The following ANLN variants were observed in gnomAD, a reference collection of about 807,000 sequenced individuals.
The protein encoded by ANLN is anillin.
A neutral mutation model predicts 135.1 loss-of-function variants in ANLN; 59 were observed. The observed-to-expected ratio is 0.44, with a 90% CI of 0.35 to 0.54. ANLN has a LOEUF of 0.54. ANLN is among the 20% of genes least tolerant of loss of function. The pLI is 0.00. For synonymous variants in ANLN, 406 were observed against 456.4 expected (o/e 0.89, Z 1.41); for missense variants, 1,182 against 1,340.0 (o/e 0.88, Z 1.84).
At chr7:36,390,950 A>G (rs1341021877) in intron 1 of ANLN, among the ~76,000 whole-genome samples, 1 of 152,244 alleles carries the variant, frequency 6.6e-6, no homozygotes, top group Non-Finnish European at 1.5e-5. Context: ...TGAGTGTTGC[A>G]AAGTGGACCT....
intron 1 of ANLN, among the ~76,000 whole-genome samples, chr7:36,394,308 G>A (rs1048615099): frequency 1.3e-5 from 2 of 152,178 alleles, no homozygotes; most frequent in African/African-American, 4.8e-5. Context: ...CAAGGTGCAT[G>A]CGGCCTCCTG....
At position 36,411,016 on chromosome 7, in the gene ANLN, T is replaced by A. The variant is rs758696477; in HGVS notation, c.1288-43T>A. On this transcript the variant is annotated intron_variant, in intron 6 of 23. Transcript: ENST00000265748. ...TTTAGTAGTGTTTGGATGTTAAACA[T>A]GCTACCGGCTCTTGTGTAAAATACA... The A allele has an allele frequency of 6.6e-6, 10 of 1,519,192 alleles. No individual in the cohort carries two copies. The Admixed American group carries it at 2.3e-4, about 35-fold the overall frequency. The allele number at this position is 1,519,192 out of a possible 1,614,324, so 94.1% of individuals were successfully genotyped here. A position where few individuals can be genotyped will look rare whatever the true frequency, so the allele number is the denominator to read the frequency against.
In ANLN at chr7:36,419,310, A is replaced by G. The variant is rs747556936; in HGVS notation, c.1700A>G (p.Asp567Gly). 6.2e-7 allele frequency: 1 copy of G among 1,614,124 alleles called. No individual in the cohort carries two copies. The highest frequency in any genetic ancestry group is 1.7e-5 in the Admixed American group (1 of 60,022). Residue 567 changes from aspartate to glycine, a missense_variant, in exon 10 of 24, where the codon GAC (aspartate) becomes GGC (glycine). Physicochemically the swap from Asp to Gly is moderately conservative, Grantham distance 94. Transcript: ENST00000265748. ...DDINSSKVIN[D>G]LFSDVLEEGE... ...ATCAATAGTTCGAAAGTAATTAATG[A>G]CCTCTTCAGTGATGTCCTAGAGGAA...
chr7:36,409,764 C>T (rs983140023), intron 5 of ANLN, among the ~76,000 whole-genome samples: 1 of 152,048 alleles, frequency 6.6e-6, no homozygotes, highest in Non-Finnish European at 1.5e-5. Context: ...GCCTCGACCT[C>T]CCAGATTCAA....
intron 20 of ANLN, among the ~76,000 whole-genome samples, chr7:36,438,024 G>A (rs544821332): frequency 5.9e-5 from 9 of 152,088 alleles, no homozygotes; most frequent in Middle Eastern, 6.8e-3. Context: ...CCTAACCTCA[G>A]GTGATTCACC....
At chr7:36,432,246 A>G (rs1272281740) in intron 20 of ANLN, among the ~76,000 whole-genome samples, 3 of 152,164 alleles carry the variant, frequency 2.0e-5, no homozygotes, top group Admixed American at 1.3e-4. Context: ...CAATAACAAA[A>G]AACAAACTTG....
At position 36,420,345 on chromosome 7, in the gene ANLN, C is replaced by G. The variant is rs746924446; in HGVS notation, c.2015+31C>G. On this transcript the variant is annotated intron_variant, in intron 11 of 23. Transcript: ENST00000265748. ...AACATTTCTGGAAGGCATTCACTCA[C>G]TAAGGGTCATGGTTTAGATTGACAT... The G allele has an allele frequency of 8.7e-6, 14 of 1,607,796 alleles. No individual in the cohort carries two copies. In the East Asian group the frequency reaches 3.1e-4, roughly 36 times the overall value.
intron 5 of ANLN, among the ~76,000 whole-genome samples, chr7:36,408,793 G>A (rs975847061): frequency 3.9e-5 from 6 of 152,036 alleles, no homozygotes; most frequent in African/African-American, 1.5e-4. Context: ...TCTTACCATC[G>A]TAAACTGATA....
chr7:36,430,953 C>T (rs543880773), intron 20 of ANLN, among the ~76,000 whole-genome samples: 175 of 152,242 alleles, frequency 1.1e-3, no homozygotes, highest in African/African-American at 4.2e-3. Context: ...GGGTAGTAAA[C>T]TTGACGTTTT....
At chr7:36,436,493 G>A (rs528802210) in intron 20 of ANLN, among the ~76,000 whole-genome samples, 3 of 152,350 alleles carry the variant, frequency 2.0e-5, no homozygotes, top group Non-Finnish European at 1.5e-5. Context: ...ATACATAGGA[G>A]CAGAATTGTG....
Position 36,425,996 on chromosome 7 carries a change from C to A in ANLN, c.2749-19C>A, listed in dbSNP as rs1788063206. Reference sequence around the variant, plus strand: ...AAATAACTTATGTTTCTTCTTCACACCTTTTTTTTTTTTTTTAGAAAAGCA... The same window carrying A: ...AAATAACTTATGTTTCTTCTTCACAACTTTTTTTTTTTTTTTAGAAAAGCA... On this transcript the variant is annotated intron_variant, in intron 18 of 23. Coordinates refer to ENST00000265748, the MANE Select transcript of ANLN (RefSeq NM_018685.5). The A allele has an allele frequency of 1.4e-6, 2 of 1,458,100 alleles. No homozygotes were observed. Among genetic ancestry groups the A allele is most frequent in the Non-Finnish European group, 1.8e-6 (2 of 1,087,516 alleles). 90.3% of individuals were successfully genotyped at this position (1,458,100 alleles called of 1,614,324 possible).
chr7:36,444,568 T>G (rs911118368), intron 22 of ANLN, among the ~76,000 whole-genome samples: 1 of 152,108 alleles, frequency 6.6e-6, no homozygotes, highest in Non-Finnish European at 1.5e-5. Flanking sequence ...TTTCTAAAAT[T>G]TAATAATAGG....
Position 36,406,460 on chromosome 7 carries a change from A to C in ANLN, c.767A>C (p.Glu256Ala). ...ARINSSSVKQ[E>A]ATFCSQRDGD... ...ATCAATAGCAGCAGTGTTAAGCAGG[A>C]AGCTACATTCTGTTCCCAAAGGGAT... The change falls in exon 4 of 24, where the codon GAA (glutamate) becomes GCA (alanine). Residue 256 changes from glutamate to alanine, a missense_variant. Around this residue, in one of 3 missense-constraint regions of ANLN, gnomAD observed 1,022 missense variants for 1,134.0 expected, o/e 0.90. Coordinates refer to ENST00000265748, the MANE Select transcript of ANLN (RefSeq NM_018685.5). 6.2e-7 allele frequency: 1 copy of C among 1,611,038 alleles called. No homozygotes were observed.
chr7:36,392,513 G>GTTTT (rs55732261), intron 1 of ANLN, among the ~76,000 whole-genome samples: 3 of 140,472 alleles, frequency 2.1e-5, no homozygotes, highest in Admixed American at 7.0e-5. Flanking sequence ...TATTGCAGTG[G>GTTTT]TTTTTTTTTT....
At chr7:36,398,583 T>C (rs997916281) in intron 2 of ANLN, among the ~76,000 whole-genome samples, 2 of 152,260 alleles carry the variant, frequency 1.3e-5, no homozygotes, top group Admixed American at 1.3e-4. Context: ...TAAAGTGTTA[T>C]GCATATATTT....
At chr7:36,430,418 A>T (rs1042127516) in intron 20 of ANLN, among the ~76,000 whole-genome samples, 2 of 152,176 alleles carry the variant, frequency 1.3e-5, no homozygotes, top group Non-Finnish European at 2.9e-5. Flanking sequence ...AAAGCCTGGC[A>T]TCCTGGAATT....
chr7:36,447,573 C>T (rs996370202), intron 22 of ANLN, among the ~76,000 whole-genome samples: 3 of 151,854 alleles, frequency 2.0e-5, no homozygotes, highest in African/African-American at 7.3e-5. Flanking sequence ...TACAGGTGCC[C>T]GCCACCATTC....
At position 36,420,302 on chromosome 7, in the gene ANLN, A is replaced by G; in HGVS notation, c.2003A>G (p.Asp668Gly). Residue 668 changes from aspartate to glycine, a missense_variant, in exon 11 of 24, where the codon GAT becomes GGT. Transcript: ENST00000265748. Reference sequence around the variant, plus strand: ...GATAGCCTTGGTTCTGAAGATCGTGATCTTCTTTACAGGTAAGAACATTTC... The same window carrying G: ...GATAGCCTTGGTTCTGAAGATCGTGGTCTTCTTTACAGGTAAGAACATTTC... ...SGDSLGSEDRDLLYSIDAYRS... is the reference protein window; with the variant it reads ...SGDSLGSEDRGLLYSIDAYRS... The G allele has an allele frequency of 6.2e-7, 1 of 1,614,020 alleles. No homozygotes were observed. The highest frequency in any genetic ancestry group is 1.1e-5 in the South Asian group (1 of 91,066).
chr7:36,410,279 A>AT (rs1182178127), intron 5 of ANLN, among the ~76,000 whole-genome samples: 216 of 145,938 alleles, frequency 1.5e-3, no homozygotes, highest in East Asian at 9.1e-3. Context: ...CCTTTTCAAA[A>AT]TTTTTTTTTT....
Sources: allele counts gnomAD v4.1 joint callset (sites outside exome capture counted in the v4.1 genomes callset), GRCh38; gene constraint gnomAD v4.1.1; regional missense constraint gnomAD v4.1.1; transcripts MANE v1.5; gene names NCBI Gene and HGNC (gene_info 2026-07-23, HGNC 2026-07-21).